Variants in MYOM2 observed in about 807,000 individuals in gnomAD.
MYOM2 encodes the protein myomesin 2.
MYOM2 carries 254 observed loss-of-function variants against 187.6 expected under a neutral mutation model. The ratio of observed to expected loss-of-function variants is 1.35; its 90% CI spans 1.22 to 1.50. The LOEUF is 1.50. Among genes scored for constraint, MYOM2 ranks in the 40% most tolerant of loss-of-function variants. The pLI, the probability that MYOM2 is intolerant of heterozygous loss-of-function variation, is 0.00. For synonymous variants in MYOM2, 981 were observed against 753.8 expected (o/e 1.30, Z -4.94); for missense variants, 2,796 against 1,924.0 (o/e 1.45, Z -8.48).
chr8:2,141,230 G>T (rs754675598), intron 34 of MYOM2, 53 bp downstream of exon 34: 14 of 1,540,424 alleles, frequency 9.1e-6, no homozygotes, highest in Non-Finnish European at 1.3e-5. Flanking sequence ...TTGAGTCCCA[G>T]TCGTTTTGGC....
intron 3 of MYOM2, among the ~76,000 whole-genome samples, chr8:2,054,329 C>T (rs1371765): frequency 6.6e-6 from 1 of 152,050 alleles, no homozygotes; most frequent in Non-Finnish European, 1.5e-5. Context: ...TGAAGGCACT[C>T]AACACATCCT....
At chr8:2,100,666 G>A (rs554036056) in intron 19 of MYOM2, among the ~76,000 whole-genome samples, 2 of 151,534 alleles carry the variant, frequency 1.3e-5, no homozygotes, top group African/African-American at 2.4e-5. Context: ...CACGTAGGCT[G>A]GGCCCTCCTC....
chr8:2,088,604 T>C (rs1007593969), intron 14 of MYOM2, among the ~76,000 whole-genome samples: 4 of 152,252 alleles, frequency 2.6e-5, no homozygotes, highest in African/African-American at 7.2e-5. Flanking sequence ...ACATGATTTC[T>C]TTCCTCTTTA....
In MYOM2 at chr8:2,143,397, G is replaced by A. The variant is rs1798346726; in HGVS notation, c.4025-4G>A. On this transcript the variant is annotated splice_region_variant and splice_polypyrimidine_tract_variant and intron_variant, in intron 35 of 36. Transcript: ENST00000262113. ...TTCCTAACCAAGGTGCTTTCCCGTT[G>A]CAGATCGTGGCAGGTTGATCGGCGG... The A allele has an allele frequency of 1.3e-5, 21 of 1,614,186 alleles. No individual in the cohort carries two copies. Among genetic ancestry groups the A allele is most frequent in the East Asian group, 2.2e-5 (1 of 44,872 alleles).
At chr8:2,078,242 G>A (rs566737543) in intron 11 of MYOM2, among the ~76,000 whole-genome samples, 53 of 152,340 alleles carry the variant, frequency 3.5e-4, no homozygotes, top group African/African-American at 1.2e-3. Context: ...CTAGGAGACT[G>A]TAAGCCAGCT....
intron 30 of MYOM2, among the ~76,000 whole-genome samples, chr8:2,123,968 G>C (rs1377128171): frequency 6.6e-6 from 1 of 152,214 alleles, no homozygotes; most frequent in Non-Finnish European, 1.5e-5. Context: ...GATTTATGTT[G>C]AGTAAAACGT....
At chr8:2,100,347 A>C (rs1015672507) in intron 19 of MYOM2, 1 of 153,374 alleles carries the variant, frequency 6.5e-6, no homozygotes, top group African/African-American at 2.4e-5. Context: ...GCTCAAGGCC[A>C]CAGTGAGACT....
At chr8:2,108,581 G>A (rs115785532) in intron 23 of MYOM2, among the ~76,000 whole-genome samples, 31 of 152,222 alleles carry the variant, frequency 2.0e-4, no homozygotes, top group African/African-American at 7.5e-4. Flanking sequence ...CTTGTCCTCA[G>A]CTGCCCCTGT....
intron 15 of MYOM2, among the ~76,000 whole-genome samples, chr8:2,090,476 A>C (rs1030351137): frequency 6.6e-6 from 1 of 152,200 alleles, no homozygotes; most frequent in Non-Finnish European, 1.5e-5. Flanking sequence ...TTTTAAAAAA[A>C]CTTTTATTTT....
chr8:2,134,309 C>T (rs1025009477), intron 32 of MYOM2, among the ~76,000 whole-genome samples: 15 of 152,206 alleles, frequency 9.9e-5, no homozygotes, highest in African/African-American at 3.4e-4. Context: ...CTCGGAAGCA[C>T]GCCCCTCTGT....
rs773920785 is a variant in MYOM2, at chr8:2,078,925, G to T, written c.1454G>T (p.Arg485Met). The T allele has an allele frequency of 6.2e-7, 1 of 1,613,744 alleles. No homozygotes were observed. The highest frequency in any genetic ancestry group is 1.7e-4 in the Middle Eastern group (1 of 5,998). ...GCACTTGACCCCTTGGACCTCAGAA[G>T]GTTACAAGGTAAGCTGCTCACGCCT... The part of the protein sequence containing the change: ...VAALDPLDLR[R>M]LQAVHLEGEK... Residue 485 changes from arginine to methionine, a missense_variant, in exon 12 of 37, where the codon AGG becomes ATG. By Grantham distance (91) the Arg-to-Met change is moderately conservative. Transcript: ENST00000262113.
At chr8:2,142,256 A>G in intron 34 of MYOM2, 119 bp from the exon 35 acceptor site, 1 of 1,007,128 alleles carries the variant, frequency 9.9e-7, no homozygotes, top group Middle Eastern at 2.1e-4. Context: ...AGAGAATGCA[A>G]ACGTATCTCC....
intron 23 of MYOM2, 66 bp from the exon 24 acceptor site, chr8:2,108,720 G>T: frequency 6.6e-7 from 1 of 1,507,164 alleles, no homozygotes; most frequent in Non-Finnish European, 9.2e-7. Flanking sequence ...GTGTCGCCTT[G>T]CTGTTGTCTA....
intron 32 of MYOM2, among the ~76,000 whole-genome samples, chr8:2,136,239 G>A (rs543328741): frequency 3.9e-5 from 6 of 152,358 alleles, no homozygotes; most frequent in Non-Finnish European, 4.4e-5. Context: ...TGCAGCTGCA[G>A]CCCAGGGAAG....
intron 17 of MYOM2, among the ~76,000 whole-genome samples, chr8:2,095,509 CT>C (rs1424006237): frequency 6.6e-6 from 1 of 152,104 alleles, no homozygotes; most frequent in African/African-American, 2.4e-5. Flanking sequence ...CCAGGCTGAT[CT>C]CAAACTCAGG....
At chr8:2,128,644 C>T (rs761009842) in intron 31 of MYOM2, among the ~76,000 whole-genome samples, 4 of 152,180 alleles carry the variant, frequency 2.6e-5, no homozygotes, top group Non-Finnish European at 5.9e-5. Context: ...GGGGTTTCTT[C>T]TGCTTTCCTT....
chr8:2,140,671 G>T (rs909206905), intron 32 of MYOM2, 52 bp from the exon 33 acceptor site: 10 of 1,585,802 alleles, frequency 6.3e-6, no homozygotes, highest in Non-Finnish European at 5.2e-6. Flanking sequence ...TAGACATTGT[G>T]CGTGTGACAT....
rs774868083 is a variant in MYOM2 at position 2,069,360 on chromosome 8, G to T, written c.736G>T (p.Val246Leu). ...GQVSTNAAVV[V>L]RRFRGDEEPF... ...AGTGTCCACCAACGCGGCGGTGGTG[G>T]TGAGAAGTGAGTGCCGGGTGGGCTT... is the stretch of plus-strand genomic sequence containing the variant. The change falls in exon 7 of 37, where the codon GTG becomes TTG. Residue 246 changes from valine (V) to leucine (L), a missense_variant. Coordinates refer to ENST00000262113, the MANE Select transcript of MYOM2 (RefSeq NM_003970.4). 6.2e-7 allele frequency: 1 copy of T among 1,614,010 alleles called. No individual in the cohort carries two copies. Among genetic ancestry groups the T allele is most frequent in the East Asian group, 2.2e-5 (1 of 44,874 alleles).
intron 6 of MYOM2, among the ~76,000 whole-genome samples, chr8:2,062,075 C>G (rs923181345): frequency 2.0e-5 from 3 of 152,186 alleles, no homozygotes; most frequent in Admixed American, 6.5e-5. Context: ...GTAGAGGACC[C>G]AGAGCTGTGG....
Sources: gnomAD v4.1 joint callset for allele counts (sites outside exome capture counted in the v4.1 genomes callset) on GRCh38, gnomAD v4.1.1 for gene constraint, MANE v1.5 for transcripts, NCBI Gene and HGNC (gene_info 2026-07-23, HGNC 2026-07-21) for gene names.